The following GRIA1 variants were observed in gnomAD, a reference collection of about 807,000 sequenced individuals.
GRIA1 encodes the protein glutamate ionotropic receptor AMPA type subunit 1.
In GRIA1, 31 loss-of-function variants were observed where a neutral mutation model predicts 99.2. The ratio of observed to expected loss-of-function variants is 0.31; its 90% CI spans 0.23 to 0.42. The LOEUF is 0.42. Among genes scored for constraint, GRIA1 ranks in the 10% least tolerant of loss-of-function variants. The probability of loss-of-function intolerance (pLI) is 1.00; values close to 1 mark genes in which losing one functional copy is unlikely to be tolerated. For missense variants in GRIA1, 782 were observed against 1,157.5 expected, an observed-to-expected ratio of 0.68 and a Z score of 4.71; for synonymous variants, 438 against 432.4, an observed-to-expected ratio of 1.01 and a Z score of -0.16.
intron 2 of GRIA1, among the ~76,000 whole-genome samples, chr5:153,624,270 G>T (rs1767362884): frequency 6.6e-6 from 1 of 152,220 alleles, no homozygotes; most frequent in Admixed American, 6.5e-5. Context: ...GAAGAATGTT[G>T]TGAATGATCA....
At chr5:153,626,482 G>GTGTA (rs754798400) in intron 2 of GRIA1, among the ~76,000 whole-genome samples, 2 of 142,422 alleles carry the variant, frequency 1.4e-5, no homozygotes, top group Non-Finnish European at 3.0e-5. Context: ...GTGTGTGTGT[G>GTGTA]TGTGTATGTG....
Position 153,581,597 on chromosome 5 carries a change from A to G in GRIA1, c.221-65331A>G, listed in dbSNP as rs375775586. On this transcript the variant is annotated intron_variant, in intron 2 of 15. Transcript: ENST00000285900. ...CATCGAGTCTCAGCCCAGCTCAGCC[A>G]TCTCTTCAGTCAGTACTTCGCTGAC... Among the ~76,000 whole-genome samples, 19 of 152,198 alleles carry G rather than the reference A, an allele frequency of 1.2e-4. No homozygotes were observed. In the East Asian group the frequency reaches 3.5e-3, roughly 28 times the overall value.
At chr5:153,542,645 A>G (rs910312991) in intron 2 of GRIA1, among the ~76,000 whole-genome samples, 4 of 152,242 alleles carry the variant, frequency 2.6e-5, no homozygotes, top group Non-Finnish European at 5.9e-5. Context: ...AGTGGAGTGA[A>G]CTAGCAATCA....
At chr5:153,759,730 A>C (rs1763056328) in intron 11 of GRIA1, among the ~76,000 whole-genome samples, 1 of 151,856 alleles carries the variant, frequency 6.6e-6, no homozygotes, top group Non-Finnish European at 1.5e-5. Flanking sequence ...TAATCCCAAA[A>C]CCAGACACAA....
intron 2 of GRIA1, among the ~76,000 whole-genome samples, chr5:153,619,031 A>C (rs534776044): frequency 6.6e-6 from 1 of 152,374 alleles, no homozygotes; most frequent in Admixed American, 6.5e-5. Flanking sequence ...TAAAATTCAC[A>C]CAACTGTCTG....
intron 2 of GRIA1, among the ~76,000 whole-genome samples, chr5:153,609,333 T>C (rs1362396260): frequency 1.3e-5 from 2 of 152,160 alleles, no homozygotes; most frequent in African/African-American, 2.4e-5. Flanking sequence ...TTTCTTGTTG[T>C]TCTCATTGGG....
intron 2 of GRIA1, among the ~76,000 whole-genome samples, chr5:153,605,374 T>G (rs1561682799): frequency 6.6e-6 from 1 of 152,230 alleles, no homozygotes. Flanking sequence ...TTCTATTGTA[T>G]GAGTATGCCA....
intron 13 of GRIA1, among the ~76,000 whole-genome samples, chr5:153,783,171 C>T (rs1764747742): frequency 6.6e-6 from 1 of 152,194 alleles, no homozygotes; most frequent in South Asian, 2.1e-4. Flanking sequence ...TCCCCTGCAT[C>T]CTGTTCACGC....
At chr5:153,696,626 A>T (rs1028107674) in intron 8 of GRIA1, among the ~76,000 whole-genome samples, 1 of 152,224 alleles carries the variant, frequency 6.6e-6, no homozygotes, top group Non-Finnish European at 1.5e-5. Flanking sequence ...GGTGAAGGTG[A>T]CATTTCAGCT....
intron 11 of GRIA1, among the ~76,000 whole-genome samples, chr5:153,710,255 C>A (rs971163844): frequency 8.0e-5 from 12 of 149,818 alleles, no homozygotes; most frequent in African/African-American, 2.7e-4. Context: ...TTTTTTTTAA[C>A]TCAGTCACCC....
chr5:153,589,314 G>A (rs1042461905), intron 2 of GRIA1, among the ~76,000 whole-genome samples: 1 of 152,108 alleles, frequency 6.6e-6, no homozygotes, highest in Admixed American at 6.6e-5. Context: ...TAATGGAAGT[G>A]CCCCGAGCAG....
At chr5:153,668,631 A>G (rs1366923953) in intron 5 of GRIA1, among the ~76,000 whole-genome samples, 1 of 152,216 alleles carries the variant, frequency 6.6e-6, no homozygotes, top group Non-Finnish European at 1.5e-5. Flanking sequence ...TAAAATATTT[A>G]TAATCTGGCC....
intron 5 of GRIA1, among the ~76,000 whole-genome samples, chr5:153,665,564 A>C (rs946644376): frequency 6.6e-6 from 1 of 152,236 alleles, no homozygotes; most frequent in African/African-American, 2.4e-5. Context: ...ATGCAGAGAC[A>C]TGGGTATTTG....
chr5:153,729,255 C>A (rs575002830), intron 11 of GRIA1, among the ~76,000 whole-genome samples: 1 of 151,442 alleles, frequency 6.6e-6, no homozygotes, highest in Non-Finnish European at 1.5e-5. Context: ...GAGGGGGGAG[C>A]GATAGCATTA....
At chr5:153,687,707 A>G (rs891408783) in intron 8 of GRIA1, among the ~76,000 whole-genome samples, 2 of 152,176 alleles carry the variant, frequency 1.3e-5, no homozygotes, top group African/African-American at 4.8e-5. Flanking sequence ...AGAAAGTTCT[A>G]CTTTAAAGTT....
intron 5 of GRIA1, among the ~76,000 whole-genome samples, chr5:153,671,140 A>G (rs1362080237): frequency 6.6e-6 from 1 of 152,130 alleles, no homozygotes; most frequent in African/African-American, 2.4e-5. Flanking sequence ...ATAAGTAATT[A>G]AGGTTTGGCT....
chr5:153,803,320 T>C (rs1247722045), intron 15 of GRIA1, among the ~76,000 whole-genome samples: 1 of 152,204 alleles, frequency 6.6e-6, no homozygotes, highest in East Asian at 1.9e-4. Context: ...AAAGGCAGTT[T>C]GGATTAAATG....
intron 2 of GRIA1, among the ~76,000 whole-genome samples, chr5:153,556,215 A>G (rs1428934860): frequency 6.6e-6 from 1 of 152,172 alleles, no homozygotes; most frequent in Non-Finnish European, 1.5e-5. Context: ...TTCTGGGGCT[A>G]TTCTTGATCT....
chr5:153,797,765 C>A (rs906758178), intron 14 of GRIA1, among the ~76,000 whole-genome samples: 12 of 152,166 alleles, frequency 7.9e-5, no homozygotes, highest in African/African-American at 2.9e-4. Flanking sequence ...AAAAGCCACC[C>A]CCACAGCCAT....
Sources: gnomAD v4.1 joint callset for allele counts (sites outside exome capture counted in the v4.1 genomes callset) on GRCh38, gnomAD v4.1.1 for gene constraint, MANE v1.5 for transcripts, NCBI Gene and HGNC (gene_info 2026-07-23, HGNC 2026-07-21) for gene names.